The following SLC44A5 variants were observed in gnomAD, a reference collection of about 807,000 sequenced individuals.
SLC44A5 encodes the protein choline transporter-like protein 5.
Under a neutral mutation model 101.8 loss-of-function variants are expected in SLC44A5, and 57 were observed. The observed-to-expected ratio is 0.56, with a 90% CI of 0.45 to 0.70. The LOEUF (loss-of-function observed/expected upper bound fraction) is 0.70, where lower values mean the gene tolerates loss of function less well. Among genes scored for constraint, SLC44A5 ranks in the 30% least tolerant of loss-of-function variants. The pLI is 0.00. For missense variants in SLC44A5, 737 were observed against 853.1 expected (o/e 0.86, Z 1.70); for synonymous variants, 281 against 290.9 (o/e 0.97, Z 0.35).
chr1:75,690,658 T>C, the SLC44A5 span, among the ~76,000 whole-genome samples: 1 of 152,200 alleles, frequency 6.6e-6, no homozygotes, highest in Admixed American at 6.5e-5. Flanking sequence ...CTAGATTTGA[T>C]CTAGGTTTTA....
At chr1:75,679,336 G>A in the SLC44A5 span, among the ~76,000 whole-genome samples, 7 of 152,072 alleles carry the variant, frequency 4.6e-5, no homozygotes, top group Admixed American at 2.0e-4. Context: ...TGAAATGAAG[G>A]AAAAAATGTT....
intron 6 of SLC44A5, among the ~76,000 whole-genome samples, chr1:75,254,329 G>A (rs1038324747): frequency 6.6e-5 from 10 of 152,100 alleles, no homozygotes; most frequent in East Asian, 3.9e-4. Context: ...ATGTGCCAGC[G>A]CACCCGGCCA....
intron 2 of SLC44A5, among the ~76,000 whole-genome samples, chr1:75,513,747 A>C (rs1669684064): frequency 6.6e-6 from 1 of 152,202 alleles, no homozygotes; most frequent in Admixed American, 6.5e-5. Context: ...AGAGAAAATT[A>C]TACTTTTCCT....
In SLC44A5 at chr1:75,543,629, GTATATATACACA is replaced by G. The variant is rs1167592911; in HGVS notation, c.-69-2125_-69-2114del. 5.7e-4 allele frequency among the ~76,000 whole-genome samples: 79 copies of G among 138,304 alleles called. No individual in the cohort carries two copies. In the South Asian group the frequency reaches 9.2e-3, roughly 16 times the overall value. The allele number at this position is 138,304 out of a possible 152,430, so 90.7% of individuals were successfully genotyped here. The stretch of plus-strand genomic sequence containing the variant: ...TATATACACACACACATATATATAC[GTATATATACACA>G]TATATATACACATATATACACACAT... On this transcript the variant is annotated intron_variant, in intron 1 of 23. Coordinates refer to ENST00000370859, the MANE Select transcript of SLC44A5 (RefSeq NM_001130058.2).
the SLC44A5 span, among the ~76,000 whole-genome samples, chr1:75,711,303 A>T: frequency 3.0e-4 from 46 of 152,312 alleles, no homozygotes; most frequent in African/African-American, 1.1e-3. Flanking sequence ...ATAGAAGCAG[A>T]TATAAAGACA....
intron 4 of SLC44A5, among the ~76,000 whole-genome samples, chr1:75,317,414 T>C (rs572543489): frequency 6.6e-6 from 1 of 152,372 alleles, no homozygotes; most frequent in South Asian, 2.1e-4. Flanking sequence ...CTGGAATAGA[T>C]AAAAATTAGT....
At chr1:75,514,763 G>A (rs1242839630) in intron 2 of SLC44A5, among the ~76,000 whole-genome samples, 1 of 152,136 alleles carries the variant, frequency 6.6e-6, no homozygotes, top group African/African-American at 2.4e-5. Flanking sequence ...TGATCTATAA[G>A]TACAAACCCA....
At chr1:75,660,140 G>T in the SLC44A5 span, among the ~76,000 whole-genome samples, 133 of 152,168 alleles carry the variant, frequency 8.7e-4, no homozygotes, top group African/African-American at 3.1e-3. Flanking sequence ...GGAGGCAAAT[G>T]TTGCAGTGAG....
At chr1:75,317,528 C>T (rs773278275) in intron 4 of SLC44A5, among the ~76,000 whole-genome samples, 2 of 152,130 alleles carry the variant, frequency 1.3e-5, no homozygotes, top group Non-Finnish European at 2.9e-5. Context: ...AAGACAGGTT[C>T]TTAAGAAAGA....
At chr1:75,211,919 T>C (rs959534638) in intron 22 of SLC44A5, among the ~76,000 whole-genome samples, 3 of 150,520 alleles carry the variant, frequency 2.0e-5, no homozygotes, top group African/African-American at 7.3e-5. Flanking sequence ...TCTTTCTTCC[T>C]TTCTTCTTTC....
Position 75,234,017 on chromosome 1 carries a change from G to A in SLC44A5, c.822C>T (p.Phe274=). 6.2e-7 allele frequency: 1 copy of A among 1,613,134 alleles called. No individual in the cohort carries two copies. Among genetic ancestry groups the A allele is most frequent in the Non-Finnish European group, 8.5e-7 (1 of 1,179,368 alleles). ...CTATAATTCCAATCACACCAATCAT[G>A]AAGACCCAGAAGAGGCATCCAGCTA... is the stretch of plus-strand genomic sequence containing the variant. The part of the protein sequence containing the change: ...RFIAGCLFWV[F]MIGVIGIIGY... The change falls in exon 12 of 24, where the codon TTC becomes TTT. Residue 274 remains phenylalanine, a synonymous_variant. Coordinates refer to ENST00000370859, the MANE Select transcript of SLC44A5 (RefSeq NM_001130058.2).
At chr1:75,678,102 G>A in the SLC44A5 span, among the ~76,000 whole-genome samples, 135 of 152,276 alleles carry the variant, frequency 8.9e-4, no homozygotes, top group Middle Eastern at 3.4e-3. Context: ...CACCTGGCTC[G>A]GAGGGTCCTA....
At chr1:75,547,153 G>A (rs1167277364) in intron 1 of SLC44A5, among the ~76,000 whole-genome samples, 2 of 152,118 alleles carry the variant, frequency 1.3e-5, no homozygotes, top group Non-Finnish European at 2.9e-5. Flanking sequence ...CACTGAAGAT[G>A]AAACCTGTGC....
the SLC44A5 span, among the ~76,000 whole-genome samples, chr1:75,620,630 T>C: frequency 6.6e-6 from 1 of 152,238 alleles, no homozygotes; most frequent in African/African-American, 2.4e-5. Flanking sequence ...AATGTCTTCT[T>C]TCAAGAAGTG....
chr1:75,684,380 C>T, the SLC44A5 span, among the ~76,000 whole-genome samples: 1 of 152,136 alleles, frequency 6.6e-6, no homozygotes. Flanking sequence ...AAAGTTTTAA[C>T]TCATTTCAGT....
the SLC44A5 span, among the ~76,000 whole-genome samples, chr1:75,646,029 C>A: frequency 1.6e-3 from 217 of 134,668 alleles, 13 homozygotes; most frequent in African/African-American, 4.9e-3. Context: ...GTTTTGGTTA[C>A]TGTAGCTTTG....
intron 2 of SLC44A5, among the ~76,000 whole-genome samples, chr1:75,400,359 C>T (rs559127786): frequency 2.0e-5 from 3 of 152,234 alleles, no homozygotes; most frequent in African/African-American, 7.2e-5. Context: ...CCTGCTCTTA[C>T]AGTAATAAAA....
the SLC44A5 span, among the ~76,000 whole-genome samples, chr1:75,720,862 G>T: frequency 1.3e-5 from 2 of 151,948 alleles, no homozygotes; most frequent in Non-Finnish European, 2.9e-5. Context: ...GGTGGAGCTG[G>T]GGGGGTAGGC....
At chr1:75,519,844 T>C (rs139833892) in intron 2 of SLC44A5, among the ~76,000 whole-genome samples, 1 of 152,356 alleles carries the variant, frequency 6.6e-6, no homozygotes, top group East Asian at 1.9e-4. Flanking sequence ...TCTTAGAAAG[T>C]AAGACATCTC....
Sources: allele counts gnomAD v4.1 joint callset (sites outside exome capture counted in the v4.1 genomes callset), GRCh38; gene constraint gnomAD v4.1.1; transcripts MANE v1.5; gene names NCBI Gene and HGNC (gene_info 2026-07-23, HGNC 2026-07-21).